DALRD3: variants seen among roughly 807,000 people sequenced by gnomAD.
The protein encoded by DALRD3 is DALR anticodon binding domain containing 3.
DALRD3 carries 47 observed loss-of-function variants against 56.7 expected under a neutral mutation model. The observed-to-expected ratio is 0.83, with a 90% CI of 0.66 to 1.06. The LOEUF (loss-of-function observed/expected upper bound fraction) is 1.06, where lower values mean the gene tolerates loss of function less well. Among genes scored for constraint, DALRD3 ranks in the 50% least tolerant of loss-of-function variants. DALRD3 has a pLI of 0.00. For missense variants in DALRD3, 787 were observed against 724.0 expected (o/e 1.09, Z -1.00); for synonymous variants, 347 against 308.5 (o/e 1.12, Z -1.31).
chr3:49,018,191 A>T lies in DALRD3; in HGVS notation c.293T>A (p.Val98Asp). ...GGCATAGGCGGCCACGGCGCTGAGG[A>T]CGCGCTCGAAGACGGCGGACCGCTG... is the stretch of plus-strand genomic sequence containing the variant. ...QLQRSAVFERVLSAVAAYATP... is the reference protein window; with the variant it reads ...QLQRSAVFERDLSAVAAYATP... Residue 98 changes from valine (V) to aspartate (D), a missense_variant, in exon 2 of 12, where the codon GTC becomes GAC. Transcript: ENST00000341949. 6.9e-7 allele frequency: 1 copy of T among 1,448,588 alleles called. No homozygotes were observed. The highest frequency in any genetic ancestry group is 9.0e-7 in the Non-Finnish European group (1 of 1,112,506). The allele number at this position is 1,448,588 out of a possible 1,614,324, so 89.7% of individuals were successfully genotyped here.
chr3:49,015,917 G>T (rs904942019), intron 10 of DALRD3, 45 bp from the exon 11 acceptor site: 22 of 1,614,030 alleles, frequency 1.4e-5, no homozygotes, highest in Non-Finnish European at 1.6e-5. Flanking sequence ...TTGCTCTTGT[G>T]CCCCAGGCCA....
rs749814901 is a variant in DALRD3, at chr3:49,018,295, G to A, written c.189C>T (p.Ala63=). The stretch of plus-strand genomic sequence containing the variant: ...CACCGGGGCCCTGCAGGCAGGCGAG[G>A]GCATGGAGCAAATGCTCCGGAACCT... The part of the protein sequence containing the change: ...DGQVPEHLLH[A]LACLQGPGVA... Residue 63 remains alanine (A), a synonymous_variant, in exon 2 of 12, where the codon GCC becomes GCT. Coordinates refer to ENST00000341949, the MANE Select transcript of DALRD3 (RefSeq NM_001009996.3). 2.7e-6 allele frequency: 4 copies of A among 1,458,780 alleles called. No homozygotes were observed. The highest frequency in any genetic ancestry group is 2.9e-5 in the South Asian group (2 of 70,130). 90.4% of individuals were successfully genotyped at this position (1,458,780 alleles called of 1,614,324 possible). A position where few individuals can be genotyped will look rare whatever the true frequency, so the allele number is the denominator to read the frequency against.
At chr3:49,019,479 C>CT (rs938684705), upstream of DALRD3, among the ~76,000 whole-genome samples, 1,208 of 134,634 alleles carry the variant, frequency 9.0e-3, 14 homozygotes, top group African/African-American at 0.022. Flanking sequence ...AATTACCAGA[C>CT]TTTTTTTTTT....
rs971280273 is a variant in DALRD3, at chr3:49,017,271, T to A, written c.884A>T (p.Asp295Val). 6.2e-7 allele frequency: 1 copy of A among 1,614,172 alleles called. No individual in the cohort carries two copies. Among genetic ancestry groups the A allele is most frequent in the Non-Finnish European group, 8.5e-7 (1 of 1,180,002 alleles). ...CEEEFQQQKL[D>V]LLWQKLVDKA... ...GTCAACCAACTTCTGCCAAAGCAGG[T>A]CCAACTTCTGTTGCTGGAACTCCTC... is the stretch of plus-strand genomic sequence containing the variant. The change falls in exon 5 of 12, where the codon GAC (aspartate) becomes GTC (valine). Residue 295 changes from aspartate (D) to valine (V), a missense_variant. By Grantham distance (152) the Asp-to-Val change is radical (BLOSUM62 -3). Transcript: ENST00000341949.
At position 49,015,775 on chromosome 3, in the gene DALRD3, C is replaced by T. The variant is rs150836979; in HGVS notation, c.1512+29G>A. On this transcript the variant is annotated intron_variant, in intron 11 of 11. Transcript: ENST00000341949. ...TGCCTTTACCCTATACCTCTCTGCA[C>T]GTCCCACCCCATTTTGCTGTGTGCT... The T allele has an allele frequency of 1.9e-5, 31 of 1,614,112 alleles. No individual in the cohort carries two copies. In the East Asian group the frequency reaches 2.0e-4, roughly 10 times the overall value.
upstream of DALRD3, chr3:49,020,847 T>TGGGCC: frequency 6.0e-6 from 2 of 332,806 alleles, no homozygotes; most frequent in Admixed American, 7.5e-5. Context: ...GACGCTCACC[T>TGGGCC]GGGCCACAGA....
At chr3:49,020,771 C>A (rs974581123), upstream of DALRD3, 2 of 423,202 alleles carry the variant, frequency 4.7e-6, no homozygotes, top group East Asian at 1.5e-4. Context: ...CATCAGAACC[C>A]GCCCATCCCC....
At position 49,017,877 on chromosome 3, in the gene DALRD3, G is replaced by A. The variant is rs1559906507; in HGVS notation, c.462-8C>T. Reference sequence around the variant, plus strand: ...ACTAGGCGCACGCACACCCTGCGAAGGGAGGGCGGCCGCCTCAGTCTGAGC... The same window carrying A: ...ACTAGGCGCACGCACACCCTGCGAAAGGAGGGCGGCCGCCTCAGTCTGAGC... On this transcript the variant is annotated splice_polypyrimidine_tract_variant and splice_region_variant and intron_variant, in intron 2 of 11. Coordinates refer to ENST00000341949, the MANE Select transcript of DALRD3 (RefSeq NM_001009996.3). 1.3e-6 allele frequency: 2 copies of A among 1,589,018 alleles called. No individual in the cohort carries two copies. Among genetic ancestry groups the A allele is most frequent in the Admixed American group, 1.7e-5 (1 of 58,438 alleles).
intron 2 of DALRD3, 62 bp downstream of exon 2, chr3:49,017,961 G>A: frequency 3.3e-6 from 5 of 1,499,908 alleles, no homozygotes; most frequent in Non-Finnish European, 4.4e-6. Context: ...GGGCGGCGCC[G>A]CTCGCTTTCT....
At chr3:49,020,153 A>T, upstream of DALRD3, 1 of 534,486 alleles carries the variant, frequency 1.9e-6, no homozygotes, top group Non-Finnish European at 3.8e-6. Flanking sequence ...GCGCCGAAAG[A>T]GCACTGGGCG....
Position 49,016,893 on chromosome 3 carries a change from CA to C in DALRD3, c.928-47del, listed in dbSNP as rs759043948. On this transcript the variant is annotated intron_variant, in intron 5 of 11. Transcript: ENST00000341949. ...GCTCAGCCTAGTTGGCGCTACTCTCCAGGAAGTCCCTTGAGGAGCCCAAATC... is the reference window on the plus strand; with the variant it reads ...GCTCAGCCTAGTTGGCGCTACTCTCCGGAAGTCCCTTGAGGAGCCCAAATC... 7 of 1,609,254 alleles carry C rather than the reference CA, an allele frequency of 4.3e-6. No homozygotes were observed. In the Admixed American group the frequency reaches 1.2e-4, roughly 27 times the overall value.
intron 9 of DALRD3, 25 bp downstream of exon 9, chr3:49,016,133 G>A: frequency 6.2e-7 from 1 of 1,612,122 alleles, no homozygotes; most frequent in Non-Finnish European, 8.5e-7. Context: ...GCCTCCTTGT[G>A]CCAGCTACCA....
chr3:49,021,163 T>C (rs1485297862), upstream of DALRD3: 2 of 152,848 alleles, frequency 1.3e-5, no homozygotes, highest in African/African-American at 2.4e-5. The surrounding 1 kb of genome is among the most constrained non-coding windows in gnomAD (Gnocchi z 4.1). Context: ...CGGAAACCCA[T>C]TGCGACCGGC....
intron 3 of DALRD3, 49 bp downstream of exon 3, chr3:49,017,564 C>T (rs1208573249): frequency 1.2e-6 from 2 of 1,614,066 alleles, no homozygotes; most frequent in Admixed American, 1.7e-5. Flanking sequence ...AGAGATGTGC[C>T]CCTAACCCCC....
At position 49,016,233 on chromosome 3, in the gene DALRD3, C is replaced by T; in HGVS notation, c.1254G>A (p.Lys418=). The change falls in exon 9 of 12, where the codon AAG becomes AAA. Residue 418 remains lysine (K), a synonymous_variant. Coordinates refer to ENST00000341949, the MANE Select transcript of DALRD3 (RefSeq NM_001009996.3). ...GGTACAGACCTTGTTCCATACTACA[C>T]TTGTAACTCTCAAAGAGTGTGGCAA... ...ARLATLFESY[K]CSMEQGLYPT... 1 of 1,614,206 alleles carries T rather than the reference C, an allele frequency of 6.2e-7. No individual in the cohort carries two copies. Among genetic ancestry groups the T allele is most frequent in the Non-Finnish European group, 8.5e-7 (1 of 1,180,030 alleles).
intron 4 of DALRD3, 31 bp downstream of exon 4, chr3:49,017,403 G>A: frequency 6.2e-7 from 1 of 1,614,158 alleles, no homozygotes; most frequent in Non-Finnish European, 8.5e-7. Flanking sequence ...TACTTGGTTT[G>A]GGAGAACCTA....
chr3:49,020,458 C>T, upstream of DALRD3: 1 of 382,706 alleles, frequency 2.6e-6, no homozygotes, highest in Non-Finnish European at 5.4e-6. Context: ...CCTCGCCAAT[C>T]CTCCCCAGGG....
rs1430592678 is a variant in DALRD3, at chr3:49,018,233, C to A, written c.251G>T (p.Gly84Val). 3 of 1,438,690 alleles carry A rather than the reference C, an allele frequency of 2.1e-6. No homozygotes were observed. The highest frequency in any genetic ancestry group is 2.7e-6 in the Non-Finnish European group (3 of 1,104,990). 89.1% of individuals were successfully genotyped at this position (1,438,690 alleles called of 1,614,324 possible). ...PVLRCAPTPA[G>V]LSLQLQRSAV... ...GGACCGCTGCAGTTGGAGAGACAGA[C>A]CCGCGGGGGTCGGCGCGCAGCGCAG... The change falls in exon 2 of 12, where the codon GGT becomes GTT. Residue 84 changes from glycine to valine, a missense_variant. Transcript: ENST00000341949.
intron 4 of DALRD3, 21 bp downstream of exon 4, chr3:49,017,413 A>G: frequency 6.2e-7 from 1 of 1,614,162 alleles, no homozygotes; most frequent in Non-Finnish European, 8.5e-7. Flanking sequence ...GGGAGAACCT[A>G]CAGGGCTGGG....
Sources: allele counts gnomAD v4.1 joint callset (sites outside exome capture counted in the v4.1 genomes callset), GRCh38; gene constraint gnomAD v4.1.1; non-coding constraint Gnocchi (gnomAD v3.1); transcripts MANE v1.5; gene names NCBI Gene and HGNC (gene_info 2026-07-23, HGNC 2026-07-21).